Variants in SMIM31 observed in about 807,000 individuals in gnomAD.
The protein encoded by SMIM31 is human epithelial cell program regulator.
intron 2 of SMIM31, among the ~76,000 whole-genome samples, chr4:164,789,164 C>G (rs1206644361): frequency 2.0e-5 from 3 of 152,130 alleles, no homozygotes; most frequent in Non-Finnish European, 2.9e-5. Context: ...TGGAGTTTTT[C>G]AGCTTCAAGG....
At chr4:164,790,758 T>A (rs1272772001) in intron 2 of SMIM31, among the ~76,000 whole-genome samples, 1 of 152,212 alleles carries the variant, frequency 6.6e-6, no homozygotes, top group African/African-American at 2.4e-5. Context: ...GTTGATCTAG[T>A]TTCACCTCTA....
intron 2 of SMIM31, among the ~76,000 whole-genome samples, chr4:164,799,175 C>A (rs894270878): frequency 1.3e-5 from 2 of 151,986 alleles, no homozygotes; most frequent in Non-Finnish European, 2.9e-5. Context: ...CCCTTGAACT[C>A]GGGAGTTCAA....
At chr4:164,792,698 A>G (rs762469747) in intron 2 of SMIM31, among the ~76,000 whole-genome samples, 3 of 152,204 alleles carry the variant, frequency 2.0e-5, no homozygotes, top group Non-Finnish European at 2.9e-5. Flanking sequence ...TCCAAATACT[A>G]TTCAAAGTTT....
chr4:164,780,733 G>A (rs967642194), intron 2 of SMIM31, among the ~76,000 whole-genome samples: 19 of 152,176 alleles, frequency 1.2e-4, no homozygotes, highest in Middle Eastern at 3.4e-3. Context: ...GCCAAAACCA[G>A]ACAAACCTAA....
intron 1 of SMIM31, among the ~76,000 whole-genome samples, chr4:164,761,053 T>G (rs1039998986): frequency 3.4e-4 from 51 of 152,224 alleles, no homozygotes; most frequent in African/African-American, 1.2e-3. Flanking sequence ...ATTGCCCATC[T>G]ATGATAAATA....
intron 1 of SMIM31, among the ~76,000 whole-genome samples, chr4:164,757,843 G>A (rs574602982): frequency 1.3e-5 from 2 of 152,184 alleles, no homozygotes; most frequent in African/African-American, 4.8e-5. Context: ...CTTGAAGTCA[G>A]GTAGTATGAG....
chr4:164,782,569 C>T (rs1044080515), intron 2 of SMIM31, among the ~76,000 whole-genome samples: 20 of 147,872 alleles, frequency 1.4e-4, no homozygotes, highest in South Asian at 1.0e-3. Flanking sequence ...TTAATAGAGA[C>T]GGGTTTTCAC....
intron 2 of SMIM31, among the ~76,000 whole-genome samples, chr4:164,772,631 T>G (rs370194588): frequency 4.0e-5 from 6 of 150,042 alleles, no homozygotes; most frequent in Admixed American, 1.3e-4. Flanking sequence ...CAGGCTGGAG[T>G]GCAGTGGCGC....
At chr4:164,761,057 A>G (rs922439813) in intron 1 of SMIM31, among the ~76,000 whole-genome samples, 5 of 152,218 alleles carry the variant, frequency 3.3e-5, no homozygotes, top group African/African-American at 1.2e-4. Flanking sequence ...CCCATCTATG[A>G]TAAATATTTT....
intron 1 of SMIM31, among the ~76,000 whole-genome samples, chr4:164,768,593 A>C (rs1025031520): frequency 6.6e-6 from 1 of 152,160 alleles, no homozygotes; most frequent in African/African-American, 2.4e-5. Context: ...GTAGGACAAA[A>C]CTGGAGAATA....
At chr4:164,787,333 GAGA>G (rs949510999) in intron 2 of SMIM31, 3 of 151,972 alleles carry the variant, frequency 2.0e-5, no homozygotes, top group Admixed American at 6.6e-5. Flanking sequence ...GAACGACACA[GAGA>G]AGATTAGCAT....
chr4:164,781,264 AC>A (rs1732945609), intron 2 of SMIM31, among the ~76,000 whole-genome samples: 1 of 152,184 alleles, frequency 6.6e-6, no homozygotes, highest in South Asian at 2.1e-4. Flanking sequence ...GGAATTTCTT[AC>A]AAAGATAAAA....
At chr4:164,773,413 A>C (rs896524509) in intron 2 of SMIM31, among the ~76,000 whole-genome samples, 1 of 152,210 alleles carries the variant, frequency 6.6e-6, no homozygotes, top group African/African-American at 2.4e-5. Context: ...ATTGACTCAC[A>C]GTTCAGCATG....
intron 1 of SMIM31, among the ~76,000 whole-genome samples, chr4:164,763,439 C>T (rs1046682445): frequency 7.2e-5 from 11 of 151,736 alleles, no homozygotes; most frequent in African/African-American, 9.7e-5. Context: ...TTTTACATCT[C>T]GGAATTTTTA....
At chr4:164,782,634 G>A (rs80175927) in intron 2 of SMIM31, among the ~76,000 whole-genome samples, 6,607 of 137,854 alleles carry the variant, frequency 0.048, 622 homozygotes, top group African/African-American at 0.19. Context: ...ACACTACTTT[G>A]TCTCTTAAGT....
intron 2 of SMIM31, among the ~76,000 whole-genome samples, chr4:164,787,967 C>T (rs142987945): frequency 0.014 from 2,090 of 152,118 alleles, 22 homozygotes; most frequent in South Asian, 0.02. Flanking sequence ...AATTATAATA[C>T]CATTTCCTGC....
At chr4:164,797,750 AC>A (rs1480295705) in intron 2 of SMIM31, among the ~76,000 whole-genome samples, 2 of 152,134 alleles carry the variant, frequency 1.3e-5, no homozygotes, top group African/African-American at 4.8e-5. Context: ...GGTGTGAGCC[AC>A]CGCGCCTGGC....
chr4:164,773,915 C>A (rs1262441866), intron 2 of SMIM31, among the ~76,000 whole-genome samples: 2 of 151,998 alleles, frequency 1.3e-5, no homozygotes, highest in Non-Finnish European at 2.9e-5. Context: ...GCCTGTAATC[C>A]CAGCACTTTG....
chr4:164,775,993 G>A (rs1732875687), intron 2 of SMIM31, among the ~76,000 whole-genome samples: 1 of 152,222 alleles, frequency 6.6e-6, no homozygotes, highest in African/African-American at 2.4e-5. Flanking sequence ...TAAACTACAT[G>A]TCAATCTCCC....
Sources: gnomAD v4.1 joint callset for allele counts (sites outside exome capture counted in the v4.1 genomes callset) on GRCh38, gnomAD v4.1.1 for gene constraint, MANE v1.5 for transcripts, NCBI Gene and HGNC (gene_info 2026-07-23, HGNC 2026-07-21) for gene names.